BMPER: variants seen among roughly 807,000 people sequenced by gnomAD.
The protein encoded by BMPER is BMP-binding endothelial regulator protein.
Under a neutral mutation model 87.3 loss-of-function variants are expected in BMPER, and 45 were observed. The ratio of observed to expected loss-of-function variants is 0.52; its 90% confidence interval spans 0.41 to 0.66. The LOEUF (loss-of-function observed/expected upper bound fraction) is 0.66. Ranked by LOEUF, BMPER falls within the 30% of genes least tolerant of loss-of-function variation. BMPER has a pLI of 0.00. For synonymous variants in BMPER, 326 were observed against 316.2 expected (o/e 1.03, Z -0.33); for missense variants, 784 against 867.5 (o/e 0.90, Z 1.21).
chr7:34,026,978 G>A (rs939729757), intron 6 of BMPER, among the ~76,000 whole-genome samples: 4 of 152,044 alleles, frequency 2.6e-5, no homozygotes, highest in Admixed American at 6.6e-5. Context: ...ATATGGCATC[G>A]CAGTCTGCAA....
chr7:33,997,152 G>A (rs904399578), intron 6 of BMPER, among the ~76,000 whole-genome samples: 1 of 152,202 alleles, frequency 6.6e-6, no homozygotes, highest in Non-Finnish European at 1.5e-5. Flanking sequence ...AAGTGAAAGT[G>A]AAAGTTAATT....
At chr7:34,108,639 G>T (rs1311217328) in intron 13 of BMPER, among the ~76,000 whole-genome samples, 1 of 152,190 alleles carries the variant, frequency 6.6e-6, no homozygotes, top group East Asian at 1.9e-4. Flanking sequence ...TTGATGATGA[G>T]AATGGAGAAA....
At chr7:34,102,645 C>T (rs1349907952) in intron 13 of BMPER, among the ~76,000 whole-genome samples, 1 of 152,154 alleles carries the variant, frequency 6.6e-6, no homozygotes, top group African/African-American at 2.4e-5. Flanking sequence ...TTCCCTTTCT[C>T]CTTATTCTAG....
At chr7:34,125,008 C>A (rs957620011) in intron 13 of BMPER, among the ~76,000 whole-genome samples, 1 of 150,874 alleles carries the variant, frequency 6.6e-6, no homozygotes, top group African/African-American at 2.4e-5. Flanking sequence ...AAAAAAAAAA[C>A]CCAGTATTTG....
intron 13 of BMPER, among the ~76,000 whole-genome samples, chr7:34,141,150 T>C (rs1790856075): frequency 6.6e-6 from 1 of 152,236 alleles, no homozygotes; most frequent in Non-Finnish European, 1.5e-5. Context: ...GGGAGATTCA[T>C]ACACTGGCAT....
chr7:33,936,517 T>C (rs918870173), intron 2 of BMPER, among the ~76,000 whole-genome samples: 2 of 152,254 alleles, frequency 1.3e-5, no homozygotes, highest in Non-Finnish European at 2.9e-5. Flanking sequence ...TGGTCGCCGC[T>C]TGATAAATCT....
At position 34,131,647 on chromosome 7, in the gene BMPER, T is replaced by G. The variant is rs556264366; in HGVS notation, c.1746-11583T>G. Among the ~76,000 whole-genome samples the G allele has an allele frequency of 1.3e-4, 20 of 152,236 alleles. No homozygotes were observed. The South Asian group carries it at 3.1e-3, about 24-fold the overall frequency. ...CTCCAGATGCTAGAGGCCTTCACTT[T>G]CATAAATTTTCCTCACCGCCATTTG... On this transcript the variant is annotated intron_variant, in intron 13 of 14. Transcript: ENST00000649409.
rs113240345 is a variant in BMPER, at chr7:34,057,831, A to AACAC, written c.928-204_928-201dup. ...AATTATTTTTATATCCAGGAGGGGG[A>AACAC]ACACACACACACACACACACACACA... On this transcript the variant is annotated intron_variant, in intron 9 of 14. Coordinates refer to ENST00000649409, the MANE Select transcript of BMPER (RefSeq NM_001365308.1). Among the ~76,000 whole-genome samples, 26,237 of 148,886 alleles carry AACAC rather than the reference A, an allele frequency of 0.18. 2,344 individuals carry two copies. Among genetic ancestry groups the AACAC allele is most frequent in the Middle Eastern group, 0.25 (73 of 290 alleles).
intron 6 of BMPER, among the ~76,000 whole-genome samples, chr7:34,037,850 A>G (rs1787723151): frequency 1.3e-5 from 2 of 152,188 alleles, no homozygotes; most frequent in African/African-American, 4.8e-5. Context: ...AAGAAGAAAA[A>G]ATAAGTGGAT....
intron 9 of BMPER, among the ~76,000 whole-genome samples, chr7:34,056,251 G>A (rs987069140): frequency 1.2e-4 from 19 of 152,290 alleles, no homozygotes; most frequent in Admixed American, 1.2e-3. Context: ...GTAGGGTGGA[G>A]GGAGGGAGAG....
chr7:34,070,532 C>T (rs1213118526), intron 11 of BMPER, among the ~76,000 whole-genome samples: 3 of 152,102 alleles, frequency 2.0e-5, no homozygotes, highest in Non-Finnish European at 4.4e-5. Context: ...CCTTTTTGCA[C>T]ACCCCTGTCA....
At chr7:33,974,874 C>T in intron 6 of BMPER, 90 bp downstream of exon 6, 2 of 1,235,264 alleles carry the variant, frequency 1.6e-6, no homozygotes, top group South Asian at 1.2e-5. Context: ...TACAGCCTCT[C>T]TCTCGTCTCC....
At chr7:33,965,944 A>G (rs1785396068) in intron 3 of BMPER, among the ~76,000 whole-genome samples, 1 of 152,256 alleles carries the variant, frequency 6.6e-6, no homozygotes, top group Non-Finnish European at 1.5e-5. Context: ...GTATGAAATT[A>G]TAGCTCTTAG....
At chr7:34,129,630 G>GAGAAAGAAAGAAAGAAAGAAAAAGAA (rs1790516687) in intron 13 of BMPER, among the ~76,000 whole-genome samples, 2 of 56,272 alleles carry the variant, frequency 3.6e-5, no homozygotes, top group Non-Finnish European at 7.0e-5. Flanking sequence ...GAGAGAAAGA[G>GAGAAAGAAAGAAAGAAAGAAAAAGAA]AGAAAGAAAG....
intron 2 of BMPER, among the ~76,000 whole-genome samples, chr7:33,922,593 G>A (rs987238694): frequency 1.3e-5 from 2 of 152,126 alleles, no homozygotes; most frequent in Admixed American, 6.5e-5. Context: ...TGAGGAAGGG[G>A]CTTTACTGGC....
At chr7:34,113,837 A>C (rs1790044164) in intron 13 of BMPER, among the ~76,000 whole-genome samples, 1 of 152,112 alleles carries the variant, frequency 6.6e-6, no homozygotes. Context: ...CAACCACAAT[A>C]CTGGTTTTAT....
chr7:33,932,560 T>G (rs1157776980), intron 2 of BMPER, among the ~76,000 whole-genome samples: 2 of 152,178 alleles, frequency 1.3e-5, no homozygotes, highest in South Asian at 4.1e-4. Context: ...GCTAACCAAA[T>G]GGACGATCAG....
intron 2 of BMPER, among the ~76,000 whole-genome samples, chr7:33,917,621 G>A (rs1424030264): frequency 6.6e-6 from 1 of 152,136 alleles, no homozygotes; most frequent in Non-Finnish European, 1.5e-5. Flanking sequence ...CTCTGAGCGA[G>A]GATATGCAGA....
chr7:34,121,460 A>G (rs1219929705), intron 13 of BMPER, among the ~76,000 whole-genome samples: 1 of 152,138 alleles, frequency 6.6e-6, no homozygotes, highest in Non-Finnish European at 1.5e-5. Context: ...AATTTTTCCT[A>G]GGTTTATTTA....
Sources: allele counts gnomAD v4.1 joint callset (sites outside exome capture counted in the v4.1 genomes callset), GRCh38; gene constraint gnomAD v4.1.1; transcripts MANE v1.5; gene names NCBI Gene and HGNC (gene_info 2026-07-23, HGNC 2026-07-21).